Variants in BCKDHB observed in about 807,000 individuals in gnomAD.
The protein encoded by BCKDHB is branched chain keto acid dehydrogenase E1 subunit beta.
In BCKDHB, 41 loss-of-function variants were observed where a neutral mutation model predicts 48.5. The observed-to-expected ratio is 0.85, with a 90% CI of 0.66 to 1.10. The LOEUF is 1.10. Ranked by LOEUF, BCKDHB falls within the 50% of genes least tolerant of loss-of-function variation. The pLI is 0.00. For missense variants in BCKDHB, 496 were observed against 494.2 expected, an observed-to-expected ratio of 1.00 and a Z score of -0.03; for synonymous variants, 201 against 174.8, an observed-to-expected ratio of 1.15 and a Z score of -1.18.
At chr6:80,421,819 T>C in the BCKDHB span, among the ~76,000 whole-genome samples, 1 of 152,170 alleles carries the variant, frequency 6.6e-6, no homozygotes, top group Non-Finnish European at 1.5e-5. Context: ...TGTTTGGTCA[T>C]ATGCATTCAC....
At chr6:80,361,018 A>AAT in the BCKDHB span, among the ~76,000 whole-genome samples, 1 of 150,572 alleles carries the variant, frequency 6.6e-6, no homozygotes, top group Non-Finnish European at 1.5e-5. Context: ...AAAAAAAAAA[A>AAT]GAAAAAAATG....
chr6:80,323,620 C>G (rs1318706746), intron 9 of BCKDHB, among the ~76,000 whole-genome samples: 1 of 152,118 alleles, frequency 6.6e-6, no homozygotes, highest in Admixed American at 6.5e-5. Context: ...CAGTATTTCC[C>G]TAACATACAC....
chr6:80,235,886 A>G (rs1198389426), intron 8 of BCKDHB, among the ~76,000 whole-genome samples: 1 of 152,166 alleles, frequency 6.6e-6, no homozygotes, highest in Non-Finnish European at 1.5e-5. Context: ...ACTGGGAACA[A>G]CTGGTCAGTC....
intron 8 of BCKDHB, among the ~76,000 whole-genome samples, chr6:80,227,648 G>A (rs572723228): frequency 1.3e-5 from 2 of 152,218 alleles, no homozygotes; most frequent in South Asian, 4.1e-4. Flanking sequence ...TGAGTAACCT[G>A]AGCTGCAATC....
At chr6:80,436,228 G>T in the BCKDHB span, among the ~76,000 whole-genome samples, 1 of 119,270 alleles carries the variant, frequency 8.4e-6, no homozygotes, top group East Asian at 2.9e-4. Flanking sequence ...GCGCGATCTT[G>T]GCTCACTGCA....
intron 6 of BCKDHB, among the ~76,000 whole-genome samples, chr6:80,181,802 C>G (rs1280354628): frequency 6.6e-6 from 1 of 152,100 alleles, no homozygotes; most frequent in Admixed American, 6.5e-5. Context: ...AAATAGACAC[C>G]ATCTCTTCAT....
At position 80,267,951 on chromosome 6, in the gene BCKDHB, A is replaced by G. The variant is rs979508954; in HGVS notation, c.952-5184A>G. 5.3e-5 allele frequency among the ~76,000 whole-genome samples: 8 copies of G among 152,158 alleles called. No individual in the cohort carries two copies. The South Asian group carries it at 1.5e-3, about 28-fold the overall frequency. On this transcript the variant is annotated intron_variant, in intron 8 of 9. Coordinates refer to ENST00000320393, the MANE Select transcript of BCKDHB (RefSeq NM_183050.4). ...AGTTTTTCTTGGTTTACACTTTCCT[A>G]CAATACTAAAATATGTGTAACCCCC...
At chr6:80,416,744 G>A in the BCKDHB span, among the ~76,000 whole-genome samples, 2 of 150,476 alleles carry the variant, frequency 1.3e-5, no homozygotes, top group African/African-American at 4.8e-5. Flanking sequence ...TGAGAATAAT[G>A]TATATTCTGG....
chr6:80,357,323 C>T, the BCKDHB span, among the ~76,000 whole-genome samples: 1 of 152,070 alleles, frequency 6.6e-6, no homozygotes, highest in African/African-American at 2.4e-5. Context: ...ATAAGAGATG[C>T]AGCCATAAAG....
chr6:80,453,041 A>T, the BCKDHB span: 3 of 152,224 alleles, frequency 2.0e-5, no homozygotes, highest in Admixed American at 1.3e-4. Context: ...ATATGAATAT[A>T]TATCAGTATG....
chr6:80,175,030 A>C (rs1168602357), intron 6 of BCKDHB, among the ~76,000 whole-genome samples: 1 of 152,188 alleles, frequency 6.6e-6, no homozygotes, highest in Admixed American at 6.6e-5. Context: ...ATTTATCTCT[A>C]ATATAAATGT....
At chr6:80,260,390 T>C (rs1463919553) in intron 8 of BCKDHB, among the ~76,000 whole-genome samples, 1 of 152,184 alleles carries the variant, frequency 6.6e-6, no homozygotes, top group African/African-American at 2.4e-5. Context: ...CTACAAATTA[T>C]TGGGTCTCTT....
At chr6:80,430,438 G>A in the BCKDHB span, among the ~76,000 whole-genome samples, 3 of 152,158 alleles carry the variant, frequency 2.0e-5, no homozygotes, top group Admixed American at 2.0e-4. Flanking sequence ...AGAAGGAATG[G>A]TACCAACTCC....
At chr6:80,365,027 G>A in the BCKDHB span, among the ~76,000 whole-genome samples, 2 of 152,138 alleles carry the variant, frequency 1.3e-5, no homozygotes, top group African/African-American at 2.4e-5. Flanking sequence ...AGGGGAGGGG[G>A]TATAAGAACA....
At chr6:80,281,359 C>T (rs553511121) in intron 9 of BCKDHB, among the ~76,000 whole-genome samples, 1 of 152,188 alleles carries the variant, frequency 6.6e-6, no homozygotes, top group South Asian at 2.1e-4. Flanking sequence ...TAGGAGAGAG[C>T]CATTACATGA....
the BCKDHB span, chr6:80,465,851 A>G: frequency 6.6e-6 from 1 of 152,208 alleles, no homozygotes; most frequent in South Asian, 2.1e-4. Context: ...ACCCAGACAC[A>G]TTGGATGGAC....
At chr6:80,295,147 T>C (rs1176598316) in intron 9 of BCKDHB, among the ~76,000 whole-genome samples, 3 of 152,212 alleles carry the variant, frequency 2.0e-5, no homozygotes, top group African/African-American at 4.8e-5. Flanking sequence ...CCAGAACTTA[T>C]GGAAAATAGA....
At chr6:80,281,987 A>G (rs567647475) in intron 9 of BCKDHB, among the ~76,000 whole-genome samples, 9 of 152,326 alleles carry the variant, frequency 5.9e-5, no homozygotes, top group African/African-American at 2.2e-4. Context: ...TTACAGAGAA[A>G]TATATTTGCA....
chr6:80,262,230 A>G (rs767094434), intron 8 of BCKDHB, among the ~76,000 whole-genome samples: 1 of 152,170 alleles, frequency 6.6e-6, no homozygotes, highest in African/African-American at 2.4e-5. Flanking sequence ...TAAAGGCAGT[A>G]TTTCTAAAGT....
Sources: allele counts gnomAD v4.1 joint callset (sites outside exome capture counted in the v4.1 genomes callset), GRCh38; gene constraint gnomAD v4.1.1; transcripts MANE v1.5; gene names NCBI Gene and HGNC (gene_info 2026-07-23, HGNC 2026-07-21).